The following CAMKMT variants were observed in gnomAD, a reference collection of about 807,000 sequenced individuals.
The protein encoded by CAMKMT is calmodulin-lysine N-methyltransferase, also known as CaM KMT.
Under a neutral mutation model 48.0 loss-of-function variants are expected in CAMKMT, and 53 were observed. The observed-to-expected ratio is 1.10, with a 90% CI of 0.89 to 1.39. The LOEUF (loss-of-function observed/expected upper bound fraction) is 1.39, where lower values mean the gene tolerates loss of function less well. CAMKMT is among the 40% of genes most tolerant of loss of function. The pLI is 0.00. For synonymous variants in CAMKMT, 165 were observed against 152.3 expected (o/e 1.08, Z -0.61); for missense variants, 428 against 402.7 (o/e 1.06, Z -0.54).
intron 3 of CAMKMT, among the ~76,000 whole-genome samples, chr2:44,568,971 A>AGGGTT (rs1668765256): frequency 6.6e-6 from 1 of 152,168 alleles, no homozygotes; most frequent in Non-Finnish European, 1.5e-5. Flanking sequence ...GTGGTGGTTG[A>AGGGTT]AATGTCAGTC....
chr2:44,404,999 C>T (rs143898133), intron 3 of CAMKMT, among the ~76,000 whole-genome samples: 1 of 151,862 alleles, frequency 6.6e-6, no homozygotes, highest in African/African-American at 2.4e-5. Flanking sequence ...TACGAAAATG[C>T]GTTGTGTTTA....
At chr2:44,675,416 G>A (rs1477932619) in intron 3 of CAMKMT, among the ~76,000 whole-genome samples, 1 of 152,062 alleles carries the variant, frequency 6.6e-6, no homozygotes, top group Non-Finnish European at 1.5e-5. Flanking sequence ...TGACTTCCAT[G>A]ACATTCTTAC....
intron 3 of CAMKMT, among the ~76,000 whole-genome samples, chr2:44,496,432 C>G (rs1002237553): frequency 6.6e-6 from 1 of 152,204 alleles, no homozygotes; most frequent in Non-Finnish European, 1.5e-5. Flanking sequence ...AAGTAGAGCT[C>G]TGCAGAGTAT....
At chr2:44,638,830 C>T (rs188756114) in intron 3 of CAMKMT, among the ~76,000 whole-genome samples, 1 of 152,306 alleles carries the variant, frequency 6.6e-6, no homozygotes. Context: ...TGCTCCAGCA[C>T]GTGTTGTCAG....
intron 3 of CAMKMT, among the ~76,000 whole-genome samples, chr2:44,658,949 C>T (rs1393150499): frequency 2.6e-5 from 4 of 152,058 alleles, no homozygotes; most frequent in Non-Finnish European, 5.9e-5. Context: ...ATAGTTTGCC[C>T]TCACTCCATT....
chr2:44,598,348 C>CA (rs1670790442), intron 3 of CAMKMT, among the ~76,000 whole-genome samples: 1 of 151,858 alleles, frequency 6.6e-6, no homozygotes, highest in Non-Finnish European at 1.5e-5. Flanking sequence ...ATTTTAGTCA[C>CA]AAAAACCAAG....
At chr2:44,503,420 C>G (rs370081082) in intron 3 of CAMKMT, among the ~76,000 whole-genome samples, 2 of 152,246 alleles carry the variant, frequency 1.3e-5, no homozygotes, top group African/African-American at 4.8e-5. Flanking sequence ...ACTCTATCAG[C>G]AAGCCAGATT....
chr2:44,654,489 G>A (rs766999684), intron 3 of CAMKMT, among the ~76,000 whole-genome samples: 7 of 151,996 alleles, frequency 4.6e-5, no homozygotes, highest in Non-Finnish European at 1.0e-4. Flanking sequence ...CATATTCATG[G>A]GGTCATATGC....
chr2:44,634,059 T>A (rs1166528708), intron 3 of CAMKMT, among the ~76,000 whole-genome samples: 1 of 152,138 alleles, frequency 6.6e-6, no homozygotes, highest in African/African-American at 2.4e-5. Context: ...TTTAATAATA[T>A]CTCTCTACTA....
At chr2:44,737,084 G>C (rs1387766199) in intron 7 of CAMKMT, among the ~76,000 whole-genome samples, 1 of 152,076 alleles carries the variant, frequency 6.6e-6, no homozygotes, top group Non-Finnish European at 1.5e-5. Flanking sequence ...GTTGGGATCT[G>C]AATGTTTTTA....
intron 5 of CAMKMT, 40 bp from the exon 6 acceptor site, chr2:44,707,359 T>C (rs1677616915): frequency 6.3e-7 from 1 of 1,588,260 alleles, no homozygotes; most frequent in South Asian, 1.1e-5. Flanking sequence ...CAGACAAGCA[T>C]ATTTGCTCAT....
chr2:44,606,401 G>T (rs1363405453), intron 3 of CAMKMT, among the ~76,000 whole-genome samples: 3 of 152,060 alleles, frequency 2.0e-5, no homozygotes, highest in South Asian at 2.1e-4. Flanking sequence ...AGAGTCAAAG[G>T]TCTTTTAGAC....
chr2:44,544,133 A>T (rs1015559067), intron 3 of CAMKMT, among the ~76,000 whole-genome samples: 2 of 151,998 alleles, frequency 1.3e-5, no homozygotes, highest in African/African-American at 4.8e-5. Flanking sequence ...TATGAGAAAA[A>T]CATTTAAATT....
chr2:44,474,322 C>T (rs946218385), intron 3 of CAMKMT, among the ~76,000 whole-genome samples: 1 of 151,754 alleles, frequency 6.6e-6, no homozygotes, highest in African/African-American at 2.4e-5. Flanking sequence ...TGGCAGGTGC[C>T]TATAATACCA....
At chr2:44,634,251 G>A (rs1239704960) in intron 3 of CAMKMT, among the ~76,000 whole-genome samples, 2 of 151,768 alleles carry the variant, frequency 1.3e-5, no homozygotes, top group Non-Finnish European at 2.9e-5. Flanking sequence ...GAAAATTCCA[G>A]CCACCTCAGC....
At chr2:44,468,673 C>G (rs140607640) in intron 3 of CAMKMT, among the ~76,000 whole-genome samples, 1 of 152,086 alleles carries the variant, frequency 6.6e-6, no homozygotes, top group Non-Finnish European at 1.5e-5. Context: ...AATCCCAGCA[C>G]TTTGGGAGGC....
intron 3 of CAMKMT, among the ~76,000 whole-genome samples, chr2:44,503,304 G>GC (rs1170749504): frequency 6.6e-6 from 1 of 152,052 alleles, no homozygotes; most frequent in Non-Finnish European, 1.5e-5. Context: ...ATCATTGCTT[G>GC]CAAGAGTGTG....
chr2:44,604,574 T>TTTA (rs1458787275), intron 3 of CAMKMT, among the ~76,000 whole-genome samples: 2 of 150,490 alleles, frequency 1.3e-5, no homozygotes, highest in African/African-American at 4.9e-5. Flanking sequence ...TTTTTTTTTT[T>TTTA]AACATTTTTA....
At chr2:44,561,343 A>G (rs1055265371) in intron 3 of CAMKMT, among the ~76,000 whole-genome samples, 5 of 152,324 alleles carry the variant, frequency 3.3e-5, no homozygotes, top group African/African-American at 7.2e-5. Context: ...GTACTTCCAC[A>G]AGACTACCAT....
Sources: gnomAD v4.1 joint callset for allele counts (sites outside exome capture counted in the v4.1 genomes callset) on GRCh38, gnomAD v4.1.1 for gene constraint, MANE v1.5 for transcripts, NCBI Gene and HGNC (gene_info 2026-07-23, HGNC 2026-07-21) for gene names.